Variants in CAMTA1 observed in about 807,000 individuals in gnomAD.
CAMTA1 encodes the protein calmodulin binding transcription activator 1.
A neutral mutation model predicts 170.9 loss-of-function variants in CAMTA1; 27 were observed. The observed-to-expected ratio is 0.16, with a 90% CI of 0.12 to 0.22. The LOEUF is 0.22. Among genes scored for constraint, CAMTA1 ranks in the 10% least tolerant of loss-of-function variants. The pLI is 1.00. For synonymous variants in CAMTA1, 833 were observed against 891.5 expected (o/e 0.93, Z 1.17); for missense variants, 1,619 against 2,217.2 (o/e 0.73, Z 5.42).
intron 5 of CAMTA1, among the ~76,000 whole-genome samples, chr1:7,453,133 A>G (rs540721399): frequency 3.9e-5 from 6 of 152,384 alleles, no homozygotes; most frequent in Admixed American, 1.3e-4. Context: ...CCGAGCTCCC[A>G]GCAGCATCTG....
At chr1:7,618,486 C>A (rs2095575332) in intron 6 of CAMTA1, among the ~76,000 whole-genome samples, 1 of 152,252 alleles carries the variant, frequency 6.6e-6, no homozygotes, top group Non-Finnish European at 1.5e-5. Flanking sequence ...GGCTTGGGGC[C>A]TCTGCCCCAA....
chr1:7,412,761 G>T (rs2090882190), intron 5 of CAMTA1, among the ~76,000 whole-genome samples: 2 of 151,844 alleles, frequency 1.3e-5, no homozygotes, highest in African/African-American at 2.4e-5. Context: ...TTAGTTTAAT[G>T]AGATCCCATT....
At chr1:6,862,539 A>G (rs1665144885) in intron 3 of CAMTA1, among the ~76,000 whole-genome samples, 2 of 152,074 alleles carry the variant, frequency 1.3e-5, no homozygotes, top group African/African-American at 2.4e-5. Flanking sequence ...TTCATTTTTT[A>G]ACTATTCCAA....
intron 4 of CAMTA1, among the ~76,000 whole-genome samples, chr1:7,211,281 T>G (rs1573922657): frequency 6.6e-6 from 1 of 152,346 alleles, no homozygotes; most frequent in East Asian, 1.9e-4. Context: ...GTACACATAG[T>G]AAGTGTACCA....
chr1:7,516,448 A>T (rs555033229), intron 6 of CAMTA1, among the ~76,000 whole-genome samples: 1 of 152,212 alleles, frequency 6.6e-6, no homozygotes, highest in Non-Finnish European at 1.5e-5. Context: ...GGCCAGAGCC[A>T]GTGCACACAC....
At position 7,044,795 on chromosome 1, in the gene CAMTA1, CG is replaced by C. The variant is rs1705098267; in HGVS notation, c.235-46508del. On this transcript the variant is annotated intron_variant, in intron 3 of 22. Transcript: ENST00000303635. The surrounding 1 kb of genome is among the most constrained non-coding windows in gnomAD (Gnocchi z 5.0). ...CTGCCTGGCGCATCTTTCCCCCTCA[CG>C]TCCTCTCCCCCACTCCCTCCTCTTC... Among the ~76,000 whole-genome samples, 1 of 150,652 alleles carries C rather than the reference CG, an allele frequency of 6.6e-6. No individual in the cohort carries two copies. Among genetic ancestry groups the C allele is most frequent in the Non-Finnish European group, 1.5e-5 (1 of 67,692 alleles).
chr1:7,151,064 A>G (rs758384985), intron 4 of CAMTA1, among the ~76,000 whole-genome samples: 2 of 152,226 alleles, frequency 1.3e-5, no homozygotes, highest in Non-Finnish European at 2.9e-5. Context: ...CGTTGAAACC[A>G]TTGGGCCAAG....
At chr1:7,576,520 G>A (rs2095195343) in intron 6 of CAMTA1, among the ~76,000 whole-genome samples, 1 of 152,174 alleles carries the variant, frequency 6.6e-6, no homozygotes, top group Non-Finnish European at 1.5e-5. Context: ...GAGGACGCAA[G>A]CAAGAAGGCA....
At chr1:6,815,173 A>G (rs541560161) in intron 1 of CAMTA1, among the ~76,000 whole-genome samples, 1 of 151,562 alleles carries the variant, frequency 6.6e-6, no homozygotes, top group Admixed American at 6.6e-5. Context: ...CAGGGAATAT[A>G]TATTATAGAG....
At position 7,128,170 on chromosome 1, in the gene CAMTA1, T is replaced by C. The variant is rs1214159412; in HGVS notation, c.302+36799T>C. On this transcript the variant is annotated intron_variant, in intron 4 of 22. Transcript: ENST00000303635. ...AGGAATCAAGTGCGTCCGGTGTGAC[T>C]CCCCTGGGAGAGTAGCCTTGAAGCC... Among the ~76,000 whole-genome samples, 7 of 152,290 alleles carry C rather than the reference T, an allele frequency of 4.6e-5. No homozygotes were observed. In the East Asian group the frequency reaches 1.4e-3, roughly 29 times the overall value.
In CAMTA1 at chr1:7,115,500, C is replaced by T. The variant is rs113825302; in HGVS notation, c.302+24129C>T. On this transcript the variant is annotated intron_variant, in intron 4 of 22. Coordinates refer to ENST00000303635, the MANE Select transcript of CAMTA1 (RefSeq NM_015215.4). ...CCAGTGTGAGTCCGAAAACCTGAGA[C>T]CCAGGAGAGCTGATGGTGGTGTTCC... Among the ~76,000 whole-genome samples, 5 of 107,986 alleles carry T rather than the reference C, an allele frequency of 4.6e-5. No individual in the cohort carries two copies. The East Asian group carries it at 1.5e-3, about 32-fold the overall frequency. 70.8% of individuals were successfully genotyped at this position (107,986 alleles called of 152,430 possible). A position where few individuals can be genotyped will look rare whatever the true frequency, so the allele number is the denominator to read the frequency against.
intron 4 of CAMTA1, among the ~76,000 whole-genome samples, chr1:7,165,017 G>A (rs1300763052): frequency 6.6e-6 from 1 of 152,204 alleles, no homozygotes; most frequent in African/African-American, 2.4e-5. Context: ...TAAATAAAAT[G>A]TAGCTGAAAA....
intron 1 of CAMTA1, among the ~76,000 whole-genome samples, chr1:6,812,644 A>G (rs970401846): frequency 1.3e-5 from 2 of 152,214 alleles, no homozygotes; most frequent in Admixed American, 6.5e-5. Context: ...CTTTGAGTAT[A>G]CTGGCTTCCA....
chr1:7,446,698 G>C (rs1387854945), intron 5 of CAMTA1, among the ~76,000 whole-genome samples: 1 of 152,206 alleles, frequency 6.6e-6, no homozygotes, highest in Non-Finnish European at 1.5e-5. Context: ...CTGCCCGCTG[G>C]CTTAGGCCAT....
chr1:6,920,620 C>G (rs184012719), intron 3 of CAMTA1, among the ~76,000 whole-genome samples: 2 of 152,180 alleles, frequency 1.3e-5, no homozygotes, highest in Non-Finnish European at 2.9e-5. Context: ...GAGGGTCCCA[C>G]CCCTGCAGCA....
intron 5 of CAMTA1, among the ~76,000 whole-genome samples, chr1:7,355,873 C>T (rs1010742433): frequency 2.0e-5 from 3 of 152,244 alleles, no homozygotes; most frequent in African/African-American, 4.8e-5. Flanking sequence ...GGCCTTTGCA[C>T]ATGCTTTTCC....
intron 4 of CAMTA1, among the ~76,000 whole-genome samples, chr1:7,105,175 A>G (rs1643450487): frequency 6.6e-6 from 1 of 152,258 alleles, no homozygotes; most frequent in South Asian, 2.1e-4. Context: ...TTCAATTTTC[A>G]GGTAAAATGG....
At position 7,645,422 on chromosome 1, in the gene CAMTA1, A is replaced by G. The variant is rs371711510; in HGVS notation, c.664+4869A>G. Among the ~76,000 whole-genome samples, 32 of 152,322 alleles carry G rather than the reference A, an allele frequency of 2.1e-4. 2 individuals carry two copies. The South Asian group carries it at 6.6e-3, about 32-fold the overall frequency. On this transcript the variant is annotated intron_variant, in intron 7 of 22. Transcript: ENST00000303635. Reference sequence around the variant, plus strand: ...CCCAGGAGGGGATGGCACGCCAGGCATTTCCCAGCAAGCTGTTGGTGAGGT... The same window carrying G: ...CCCAGGAGGGGATGGCACGCCAGGCGTTTCCCAGCAAGCTGTTGGTGAGGT...
intron 5 of CAMTA1, among the ~76,000 whole-genome samples, chr1:7,410,131 A>G (rs995130138): frequency 6.6e-6 from 1 of 152,230 alleles, no homozygotes; most frequent in African/African-American, 2.4e-5. Flanking sequence ...AGGATTTGTT[A>G]CAGTTGATTT....
Sources: allele counts gnomAD v4.1 joint callset (sites outside exome capture counted in the v4.1 genomes callset), GRCh38; gene constraint gnomAD v4.1.1; non-coding constraint Gnocchi (gnomAD v3.1); transcripts MANE v1.5; gene names NCBI Gene and HGNC (gene_info 2026-07-23, HGNC 2026-07-21).